Variants in SPON1 observed in about 807,000 individuals in gnomAD.
The protein encoded by SPON1 is spondin-1.
In SPON1, 52 loss-of-function variants were observed where a neutral mutation model predicts 111.7. That is an observed-to-expected ratio of 0.47 (90% CI 0.37 to 0.59). SPON1 has a LOEUF of 0.59. SPON1 is among the 20% of genes least tolerant of loss of function. The probability of loss-of-function intolerance (pLI) is 0.00; values close to 1 mark genes in which losing one functional copy is unlikely to be tolerated. For missense variants in SPON1, 957 were observed against 1,068.5 expected, an observed-to-expected ratio of 0.90 and a Z score of 1.46; for synonymous variants, 410 against 395.8, an observed-to-expected ratio of 1.04 and a Z score of -0.43.
At chr11:14,127,486 C>A (rs1363457673) in intron 5 of SPON1, among the ~76,000 whole-genome samples, 2 of 152,130 alleles carry the variant, frequency 1.3e-5, no homozygotes, top group Non-Finnish European at 2.9e-5. Context: ...GGTCTCCTCA[C>A]CTTCAGACCC....
intron 7 of SPON1, among the ~76,000 whole-genome samples, chr11:14,251,647 G>C (rs931658372): frequency 6.6e-6 from 1 of 152,190 alleles, no homozygotes; most frequent in African/African-American, 2.4e-5. Context: ...TAGATGGAGC[G>C]GTCAGTCTCT....
chr11:14,000,498 A>G (rs1303913004), intron 2 of SPON1, among the ~76,000 whole-genome samples: 1 of 152,204 alleles, frequency 6.6e-6, no homozygotes, highest in Non-Finnish European at 1.5e-5. Flanking sequence ...GTTCAGCACT[A>G]TAATAGGGCC....
intron 6 of SPON1, among the ~76,000 whole-genome samples, chr11:14,163,086 G>C (rs1462449390): frequency 6.6e-6 from 1 of 152,160 alleles, no homozygotes; most frequent in Admixed American, 6.5e-5. Flanking sequence ...AGAATGATTG[G>C]AGATAGCTTC....
At chr11:14,018,414 T>C (rs1848458192) in intron 2 of SPON1, among the ~76,000 whole-genome samples, 1 of 152,158 alleles carries the variant, frequency 6.6e-6, no homozygotes, top group Non-Finnish European at 1.5e-5. Context: ...GCTTGTTCAG[T>C]TTAGAAATGA....
In SPON1 at chr11:14,265,516, G is replaced by A; in HGVS notation, c.2261-8G>A. The A allele has an allele frequency of 6.2e-7, 1 of 1,611,424 alleles. No individual in the cohort carries two copies. Among genetic ancestry groups the A allele is most frequent in the Non-Finnish European group, 8.5e-7 (1 of 1,178,854 alleles). On this transcript the variant is annotated splice_region_variant and splice_polypyrimidine_tract_variant and intron_variant, in intron 15 of 15. Transcript: ENST00000576479. ...TGCGGGCCTAACAAGGCATTCTCATGCTTTCAGGTTGTAGGATGCGCCCAT... is the reference window on the plus strand; with the variant it reads ...TGCGGGCCTAACAAGGCATTCTCATACTTTCAGGTTGTAGGATGCGCCCAT...
intron 1 of SPON1, among the ~76,000 whole-genome samples, chr11:13,977,190 A>G (rs1848109671): frequency 6.6e-6 from 1 of 152,186 alleles, no homozygotes; most frequent in African/African-American, 2.4e-5. Context: ...GTGCACATAT[A>G]TATGCATTTC....
intron 3 of SPON1, among the ~76,000 whole-genome samples, chr11:14,042,045 C>T (rs1848635265): frequency 6.6e-6 from 1 of 152,084 alleles, no homozygotes; most frequent in Non-Finnish European, 1.5e-5. Context: ...CCGAGACCCA[C>T]ATGTGACCTC....
chr11:14,188,703 C>A lies in SPON1; in HGVS notation c.825+53135C>A, dbSNP rs369670652. Among the ~76,000 whole-genome samples, 13 of 152,232 alleles carry A rather than the reference C, an allele frequency of 8.5e-5. No individual in the cohort carries two copies. In the East Asian group the frequency reaches 2.3e-3, roughly 27 times the overall value. ...GCTTAGGGGGTTGAAGTCAGGCCCG[C>A]TTTCTAGTAGTGACTCTGCCACTCA... On this transcript the variant is annotated intron_variant, in intron 6 of 15. Coordinates refer to ENST00000576479, the MANE Select transcript of SPON1 (RefSeq NM_006108.4).
At chr11:14,000,515 A>C (rs782090489) in intron 2 of SPON1, among the ~76,000 whole-genome samples, 3 of 152,222 alleles carry the variant, frequency 2.0e-5, no homozygotes, top group Admixed American at 6.5e-5. Flanking sequence ...GGCCTGGCAC[A>C]TAATAGGTGT....
chr11:14,171,040 T>C (rs7482346), intron 6 of SPON1, among the ~76,000 whole-genome samples: 20,661 of 152,202 alleles, frequency 0.14, 1,561 homozygotes, highest in Middle Eastern at 0.2. Context: ...CCTCTTTTTC[T>C]ATTGATTGGA....
At chr11:14,090,324 T>C (rs1554923141) in intron 5 of SPON1, among the ~76,000 whole-genome samples, 1 of 152,060 alleles carries the variant, frequency 6.6e-6, no homozygotes, top group Admixed American at 6.5e-5. Flanking sequence ...GGTCTGCGGA[T>C]TGCAAAAACT....
chr11:14,104,544 A>G lies in SPON1; in HGVS notation c.676+24523A>G, dbSNP rs193114703. On this transcript the variant is annotated intron_variant, in intron 5 of 15. Coordinates refer to ENST00000576479, the MANE Select transcript of SPON1 (RefSeq NM_006108.4). ...TTTTGTTCTTTTTTTGTTCTTCCCT[A>G]CTCTGTTACTGCTTCCATTTTTCAT... Among the ~76,000 whole-genome samples, 832 of 151,604 alleles carry G rather than the reference A, an allele frequency of 5.5e-3. 6 individuals carry two copies. Among genetic ancestry groups the G allele is most frequent in the Non-Finnish European group, 8.9e-3 (601 of 67,774 alleles).
In SPON1 at chr11:14,113,568, ATTTTTTTTTTTTTTTT is replaced by A. The variant is rs782780924; in HGVS notation, c.677-21815_677-21800del. Among the ~76,000 whole-genome samples the A allele has an allele frequency of 5.5e-4, 41 of 74,754 alleles. 4 individuals are homozygous for A. The highest frequency in any genetic ancestry group is 9.1e-4 in the African/African-American group (17 of 18,762). 49.0% of individuals were successfully genotyped at this position (74,754 alleles called of 152,430 possible). A position where few individuals can be genotyped will look rare whatever the true frequency, so the allele number is the denominator to read the frequency against. ...AAGTCACCTCCTATGTACTTTTTAA[ATTTTTTTTTTTTTTTT>A]TTTTTTTTTTTTTTTTTTTTTTTTT... On this transcript the variant is annotated intron_variant, in intron 5 of 15. Coordinates refer to ENST00000576479, the MANE Select transcript of SPON1 (RefSeq NM_006108.4).
rs1383726326 is a variant in SPON1, at chr11:13,982,956, A to G, written c.345+3A>G. 11 of 1,540,520 alleles carry G rather than the reference A, an allele frequency of 7.1e-6. No homozygotes were observed. The African/African-American group carries it at 1.5e-4, about 21-fold the overall frequency. ...AAGACCATGCTGGGACCTTCCAGGTAAGACCCTGCCTGGGCTTATTCAGTG... is the reference window on the plus strand; with the variant it reads ...AAGACCATGCTGGGACCTTCCAGGTGAGACCCTGCCTGGGCTTATTCAGTG... On this transcript the variant is annotated splice_donor_region_variant and intron_variant, in intron 2 of 15. Transcript: ENST00000576479.
At chr11:14,006,454 G>T (rs1848361364) in intron 2 of SPON1, among the ~76,000 whole-genome samples, 1 of 152,156 alleles carries the variant, frequency 6.6e-6, no homozygotes, top group Non-Finnish European at 1.5e-5. Context: ...ATTGTGGCAT[G>T]AACTCCAGTG....
At chr11:14,019,377 TATA>T (rs1591352795) in intron 2 of SPON1, among the ~76,000 whole-genome samples, 1 of 150,050 alleles carries the variant, frequency 6.7e-6, no homozygotes, top group East Asian at 1.9e-4. Context: ...TACGTAATTT[TATA>T]ATGTGTATAA....
intron 3 of SPON1, among the ~76,000 whole-genome samples, chr11:14,043,967 A>G (rs1848650070): frequency 6.6e-6 from 1 of 152,226 alleles, no homozygotes; most frequent in South Asian, 2.1e-4. Context: ...TAAGGGAGAG[A>G]GAAAAAGTCA....
At chr11:14,101,200 G>C (rs1554924358) in intron 5 of SPON1, among the ~76,000 whole-genome samples, 2 of 152,074 alleles carry the variant, frequency 1.3e-5, no homozygotes, top group East Asian at 1.9e-4. Flanking sequence ...AGGAGTTTGA[G>C]ACCAGCCAGA....
intron 6 of SPON1, among the ~76,000 whole-genome samples, chr11:14,190,988 G>C (rs1185542017): frequency 6.6e-6 from 1 of 151,714 alleles, no homozygotes; most frequent in Non-Finnish European, 1.5e-5. Context: ...AAAGAAAAAA[G>C]CACTTACAAT....
Sources: gnomAD v4.1 joint callset for allele counts (sites outside exome capture counted in the v4.1 genomes callset) on GRCh38, gnomAD v4.1.1 for gene constraint, MANE v1.5 for transcripts, NCBI Gene and HGNC (gene_info 2026-07-23, HGNC 2026-07-21) for gene names.